The following CWF19L2 variants were observed in gnomAD, a reference collection of about 807,000 sequenced individuals.
CWF19L2 encodes CWF19-like protein 2.
In CWF19L2, 98 loss-of-function variants were observed where a neutral mutation model predicts 111.7. The ratio of observed to expected loss-of-function variants is 0.88; its 90% CI spans 0.75 to 1.04. CWF19L2 has a LOEUF of 1.04. CWF19L2 is among the 50% of genes least tolerant of loss of function. The probability of loss-of-function intolerance (pLI) is 0.00; values close to 1 mark genes in which losing one functional copy is unlikely to be tolerated. For missense variants in CWF19L2, 1,101 were observed against 1,051.4 expected (o/e 1.05, Z -0.65); for synonymous variants, 351 against 342.9 (o/e 1.02, Z -0.26).
intron 7 of CWF19L2, among the ~76,000 whole-genome samples, chr11:107,432,844 C>T (rs77983094): frequency 0.1 from 15,208 of 151,998 alleles, 1,339 homozygotes; most frequent in African/African-American, 0.22. Context: ...GAAAAATATG[C>T]AAAATGCATT....
At chr11:107,444,612 T>TAA (rs1861676315) in intron 3 of CWF19L2, among the ~76,000 whole-genome samples, 2 of 152,222 alleles carry the variant, frequency 1.3e-5, no homozygotes, top group Admixed American at 1.3e-4. Context: ...ATTGTGCTGA[T>TAA]ATCTTTCAAA....
chr11:107,435,808 T>G (rs1164951400), intron 6 of CWF19L2, among the ~76,000 whole-genome samples: 1 of 151,928 alleles, frequency 6.6e-6, no homozygotes, highest in Non-Finnish European at 1.5e-5. Context: ...AAAAAAAAAT[T>G]TAGTCAATAT....
intron 7 of CWF19L2, among the ~76,000 whole-genome samples, chr11:107,430,230 C>A (rs922252419): frequency 8.1e-5 from 12 of 148,442 alleles, no homozygotes; most frequent in Non-Finnish European, 1.3e-4. Context: ...AAAACCTTTA[C>A]AAGGACTAGA....
chr11:107,412,710 A>C (rs936824580), intron 10 of CWF19L2, among the ~76,000 whole-genome samples: 10 of 152,230 alleles, frequency 6.6e-5, no homozygotes, highest in Admixed American at 2.6e-4. Context: ...AGTTTTATTC[A>C]TAACTGCAAA....
At position 107,392,779 on chromosome 11, in the gene CWF19L2, C is replaced by G; in HGVS notation, c.1734G>C (p.Met578Ile). The change falls in exon 11 of 18, where the codon ATG becomes ATC. Residue 578 changes from methionine (M) to isoleucine (I), a missense_variant and splice_region_variant. By Grantham distance (10) the Met-to-Ile change is conservative (BLOSUM62 1). Transcript: ENST00000282251. ...ESQGGRRKRQMVSTHEERERV... is the reference protein window; with the variant it reads ...ESQGGRRKRQIVSTHEERERV... Reference sequence around the variant, plus strand: ...AAACAAAGACATATGTTAAACATACCATCTGTCTCTTTCTTCTTCCTCCTT... The same window carrying G: ...AAACAAAGACATATGTTAAACATACGATCTGTCTCTTTCTTCTTCCTCCTT... 1 of 1,541,626 alleles carries G rather than the reference C, an allele frequency of 6.5e-7. No homozygotes were observed. The highest frequency in any genetic ancestry group is 8.9e-7 in the Non-Finnish European group (1 of 1,124,820).
intron 10 of CWF19L2, among the ~76,000 whole-genome samples, chr11:107,399,891 A>G (rs1565268672): frequency 6.6e-6 from 1 of 152,186 alleles, no homozygotes; most frequent in Non-Finnish European, 1.5e-5. Context: ...GTGGAATAAA[A>G]CTGGAAATTA....
chr11:107,370,130 A>G (rs987865706), intron 12 of CWF19L2, among the ~76,000 whole-genome samples: 2 of 137,870 alleles, frequency 1.5e-5, no homozygotes, highest in Non-Finnish European at 3.1e-5. Flanking sequence ...AAAAATCTCA[A>G]GTAAAATACA....
chr11:107,328,947 G>A (rs1276989070), intron 17 of CWF19L2, among the ~76,000 whole-genome samples: 2 of 152,206 alleles, frequency 1.3e-5, no homozygotes, highest in African/African-American at 4.8e-5. Flanking sequence ...AAGGACAAGA[G>A]CATTAAAAAG....
In CWF19L2 at chr11:107,392,768, G is replaced by A; in HGVS notation, c.1734+11C>T. The A allele has an allele frequency of 1.4e-6, 2 of 1,472,634 alleles. No homozygotes were observed. Among genetic ancestry groups the A allele is most frequent in the Non-Finnish European group, 1.9e-6 (2 of 1,065,066 alleles). The allele number at this position is 1,472,634 out of a possible 1,614,324, so 91.2% of individuals were successfully genotyped here. A position where few individuals can be genotyped will look rare whatever the true frequency, so the allele number is the denominator to read the frequency against. ...TCTGAATTAATAAACAAAGACATAT[G>A]TTAAACATACCATCTGTCTCTTTCT... On this transcript the variant is annotated intron_variant, in intron 11 of 17. Transcript: ENST00000282251.
intron 10 of CWF19L2, among the ~76,000 whole-genome samples, chr11:107,394,280 CAATA>C (rs1002633371): frequency 1.3e-5 from 2 of 152,102 alleles, no homozygotes; most frequent in Non-Finnish European, 2.9e-5. Context: ...TTTTCTTCCT[CAATA>C]AATAAACGAA....
At chr11:107,356,857 G>A (rs1479308595) in intron 12 of CWF19L2, among the ~76,000 whole-genome samples, 1 of 152,044 alleles carries the variant, frequency 6.6e-6, no homozygotes, top group Non-Finnish European at 1.5e-5. Context: ...GACCAACATG[G>A]AGAAACCCTG....
At chr11:107,358,639 G>A (rs68000908) in intron 12 of CWF19L2, among the ~76,000 whole-genome samples, 23,898 of 152,226 alleles carry the variant, frequency 0.16, 2,156 homozygotes, top group Middle Eastern at 0.26. Flanking sequence ...ATGAAATGTC[G>A]AGAACAGGGA....
chr11:107,329,418 T>C (rs1049316663), intron 17 of CWF19L2, among the ~76,000 whole-genome samples: 1 of 152,152 alleles, frequency 6.6e-6, no homozygotes. Flanking sequence ...GATGAGAAAA[T>C]TGGTTCTCTA....
intron 12 of CWF19L2, among the ~76,000 whole-genome samples, chr11:107,361,892 G>C (rs956283686): frequency 1.3e-5 from 2 of 152,146 alleles, no homozygotes; most frequent in Non-Finnish European, 1.5e-5. Flanking sequence ...CGGGTGATTT[G>C]TGCATTTCCA....
At position 107,348,982 on chromosome 11, in the gene CWF19L2, A is replaced by T; in HGVS notation, c.2157T>A (p.His719Gln). The T allele has an allele frequency of 1.2e-6, 2 of 1,611,170 alleles. No individual in the cohort carries two copies. The highest frequency in any genetic ancestry group is 1.7e-6 in the Non-Finnish European group (2 of 1,178,058). Residue 719 changes from histidine (H) to glutamine (Q), a missense_variant, in exon 14 of 18, where the codon CAT (histidine) becomes CAA (glutamine). Transcript: ENST00000282251. The part of the protein sequence containing the change: ...GHCLIVPLQH[H>Q]RAATLLDEDI... ...CTTCATCCAACAAAGTAGCTGCTCT[A>T]TGGTGCTGCAAAGGGACTATCAGGC... is the stretch of plus-strand genomic sequence containing the variant.
chr11:107,407,948 C>G (rs1226445473), intron 10 of CWF19L2, among the ~76,000 whole-genome samples: 1 of 151,900 alleles, frequency 6.6e-6, no homozygotes, highest in East Asian at 1.9e-4. Flanking sequence ...GGTCAACACT[C>G]CCAGCTAGGA....
At chr11:107,422,710 C>T (rs1252563795) in intron 8 of CWF19L2, among the ~76,000 whole-genome samples, 1 of 151,878 alleles carries the variant, frequency 6.6e-6, no homozygotes, top group African/African-American at 2.4e-5. Context: ...TTCTATAATA[C>T]TCTATAAAAA....
intron 12 of CWF19L2, among the ~76,000 whole-genome samples, chr11:107,381,628 G>A (rs1328910575): frequency 1.3e-5 from 2 of 152,164 alleles, no homozygotes; most frequent in Non-Finnish European, 2.9e-5. Flanking sequence ...CCAAGGGGCT[G>A]CTGCAATAAG....
chr11:107,423,759 A>G (rs1464448738), intron 8 of CWF19L2, among the ~76,000 whole-genome samples: 1 of 151,834 alleles, frequency 6.6e-6, no homozygotes, highest in African/African-American at 2.4e-5. Flanking sequence ...ATATCCAGAA[A>G]TAAGTCATCT....
Sources: allele counts gnomAD v4.1 joint callset (sites outside exome capture counted in the v4.1 genomes callset), GRCh38; gene constraint gnomAD v4.1.1; transcripts MANE v1.5; gene names NCBI Gene and HGNC (gene_info 2026-07-23, HGNC 2026-07-21).